Variants in ATP11C observed in about 807,000 individuals in gnomAD.
ATP11C encodes the protein phospholipid-transporting ATPase IG.
Under a neutral mutation model 97.4 loss-of-function variants are expected in ATP11C, and 36 were observed. The observed-to-expected ratio is 0.37, with a 90% CI of 0.28 to 0.49. The LOEUF (loss-of-function observed/expected upper bound fraction) is 0.49, where lower values mean the gene tolerates loss of function less well. Among genes scored for constraint, ATP11C ranks in the 20% least tolerant of loss-of-function variants. The pLI is 0.98. For missense variants in ATP11C, 730 were observed against 824.6 expected (o/e 0.89, Z 1.40); for synonymous variants, 275 against 290.9 (o/e 0.95, Z 0.56).
intron 12 of ATP11C, among the ~76,000 whole-genome samples, chrX:139,791,086 G>A (rs1466874184): frequency 1.8e-5 from 2 of 111,338 alleles, no homozygotes; most frequent in African/African-American, 6.5e-5. Context: ...ATGAACTACA[G>A]CAGTAGTTGC....
At chrX:139,886,677 C>T (rs1178431995) in intron 1 of ATP11C, among the ~76,000 whole-genome samples, 2 of 108,868 alleles carry the variant, frequency 1.8e-5, no homozygotes, top group Non-Finnish European at 3.8e-5. Context: ...AAGATTTGTA[C>T]GTTGAAAAGT....
intron 24 of ATP11C, among the ~76,000 whole-genome samples, chrX:139,748,660 C>T (rs184022252): frequency 9.0e-6 from 1 of 111,415 alleles, no homozygotes; most frequent in Admixed American, 9.6e-5. Flanking sequence ...TGATTCTCCT[C>T]TACATCTAAT....
intron 1 of ATP11C, among the ~76,000 whole-genome samples, chrX:139,900,514 G>A (rs1212609251): frequency 2.7e-5 from 3 of 111,600 alleles, no homozygotes; most frequent in Non-Finnish European, 5.6e-5. Flanking sequence ...CCCTCCAACA[G>A]TTACTATAGA....
chrX:139,772,386 G>A (rs2082271371), intron 19 of ATP11C, among the ~76,000 whole-genome samples: 1 of 112,094 alleles, frequency 8.9e-6, no homozygotes, highest in African/African-American at 3.2e-5. Context: ...TGTGGTGTTG[G>A]AGTCCCCATA....
At chrX:139,822,222 A>G (rs2083425360) in intron 2 of ATP11C, among the ~76,000 whole-genome samples, 1 of 112,216 alleles carries the variant, frequency 8.9e-6, no homozygotes, top group Non-Finnish European at 1.9e-5. Context: ...ATTGAAACAG[A>G]GTCTCACACT....
rs1401391550 is a variant in ATP11C, at chrX:139,745,839, G to A, written c.2847C>T (p.Ala949=). ...ATAAGAAGGGGCCCAACTGTAGCAT[G>A]GCATTGCCAGAAATTTTCCTATTGA... ...PRLYMKISGN[A]MLQLGPFLYW... The change falls in exon 25 of 30, where the codon GCC becomes GCT. Residue 949 remains alanine (A), a synonymous_variant. Coordinates refer to ENST00000682941, the MANE Select transcript of ATP11C (RefSeq NM_001353812.2). 3 of 1,196,033 alleles carry A rather than the reference G, an allele frequency of 2.5e-6. No individual in the cohort carries two copies. In the Admixed American group the frequency reaches 6.9e-5, roughly 27 times the overall value.
At chrX:139,928,299 T>C (rs928636637) in intron 1 of ATP11C, among the ~76,000 whole-genome samples, 4 of 112,163 alleles carry the variant, frequency 3.6e-5, no homozygotes, top group African/African-American at 9.7e-5. Flanking sequence ...TTTGTAATAG[T>C]TGTGCAAATG....
chrX:139,798,785 G>C, intron 8 of ATP11C, 42 bp from the exon 9 acceptor site: 1 of 1,065,577 alleles, frequency 9.4e-7, no homozygotes. Context: ...CAAGCCAATA[G>C]CATCAACAAC....
intron 28 of ATP11C, chrX:139,732,675 T>C: frequency 5.1e-6 from 1 of 197,481 alleles, no homozygotes; most frequent in East Asian, 1.1e-4. Flanking sequence ...TATGTTAGTT[T>C]TGAAGACATT....
chrX:139,897,352 C>T (rs372794609), intron 1 of ATP11C, among the ~76,000 whole-genome samples: 1 of 110,748 alleles, frequency 9.0e-6, no homozygotes, highest in South Asian at 3.8e-4. Flanking sequence ...AACTAGAATC[C>T]AAAACTACTA....
chrX:139,778,611 C>T (rs1362974748), intron 18 of ATP11C, among the ~76,000 whole-genome samples: 1 of 111,709 alleles, frequency 9.0e-6, no homozygotes, highest in Non-Finnish European at 1.9e-5. Flanking sequence ...GGAGGATCAC[C>T]TGACGTCATG....
chrX:139,856,935 A>C (rs2084099559), intron 1 of ATP11C, among the ~76,000 whole-genome samples: 1 of 111,811 alleles, frequency 8.9e-6, no homozygotes, highest in Admixed American at 9.5e-5. Flanking sequence ...GTTGCACTTC[A>C]TCCCAAACAC....
intron 8 of ATP11C, among the ~76,000 whole-genome samples, chrX:139,799,699 G>A (rs1265889592): frequency 1.1e-5 from 1 of 94,223 alleles, no homozygotes; most frequent in Non-Finnish European, 2.1e-5. Flanking sequence ...GTTGCCCAGG[G>A]TACAGTGCAA....
chrX:139,854,603 G>GA (rs1395124216), intron 1 of ATP11C, among the ~76,000 whole-genome samples: 4 of 109,392 alleles, frequency 3.7e-5, no homozygotes, highest in Non-Finnish European at 7.6e-5. Flanking sequence ...AGCCGTGAAA[G>GA]AAAAAAAAAG....
At chrX:139,885,870 T>A (rs769560499) in intron 1 of ATP11C, among the ~76,000 whole-genome samples, 3 of 109,775 alleles carry the variant, frequency 2.7e-5, no homozygotes, top group Non-Finnish European at 5.7e-5. Context: ...AAAGAGCATC[T>A]ATGAAGAAAA....
intron 26 of ATP11C, among the ~76,000 whole-genome samples, chrX:139,742,880 T>A (rs1447852676): frequency 0.016 from 15 of 933 alleles, no homozygotes; most frequent in African/African-American, 0.032. Context: ...AAAAAAAATA[T>A]ATATATATAT....
Position 139,728,880 on chromosome X carries a change from G to C in ATP11C, c.*86C>G, listed in dbSNP as rs754591721. ...CCTGAGATGATAACTTTTTGTAGTT[G>C]TTTCTTCATGCTTTCTTTTTTAGCT... is the stretch of plus-strand genomic sequence containing the variant. On this transcript the variant is annotated 3_prime_UTR_variant, in exon 30 of 30. Coordinates refer to ENST00000682941, the MANE Select transcript of ATP11C (RefSeq NM_001353812.2). The C allele has an allele frequency of 2.5e-6, 3 of 1,182,179 alleles. No homozygotes were observed. In the African/African-American group the frequency reaches 5.3e-5, roughly 21 times the overall value.
chrX:139,879,557 G>C lies in ATP11C; in HGVS notation c.27+52459C>G, dbSNP rs771434313. Among the ~76,000 whole-genome samples, 47 of 111,491 alleles carry C rather than the reference G, an allele frequency of 4.2e-4. 1 individual carries two copies. Among genetic ancestry groups the C allele is most frequent in the African/African-American group, 1.4e-3 (44 of 30,749 alleles). On this transcript the variant is annotated intron_variant, in intron 1 of 29. Transcript: ENST00000682941. The stretch of plus-strand genomic sequence containing the variant: ...ATCAAATGGCACAAATTTTCAGATA[G>C]AAGATGAACAAGTTCTGGGGCTCTA...
chrX:139,834,422 T>C (rs779326129), intron 1 of ATP11C, among the ~76,000 whole-genome samples: 5 of 111,743 alleles, frequency 4.5e-5, no homozygotes, highest in Admixed American at 9.5e-5. Context: ...ATTGACACTG[T>C]CTCTCCATCA....
Sources: allele counts gnomAD v4.1 joint callset (sites outside exome capture counted in the v4.1 genomes callset), GRCh38; gene constraint gnomAD v4.1.1; transcripts MANE v1.5; gene names NCBI Gene and HGNC (gene_info 2026-07-23, HGNC 2026-07-21).